Variants in COPB1 observed in about 807,000 individuals in gnomAD.
COPB1 encodes the protein coatomer subunit beta.
In COPB1, 21 loss-of-function variants were observed where a neutral mutation model predicts 108.7. That is an observed-to-expected ratio of 0.19 (90% CI 0.14 to 0.28). The LOEUF is 0.28. Among genes scored for constraint, COPB1 ranks in the 10% least tolerant of loss-of-function variants. The pLI, the probability that COPB1 is intolerant of heterozygous loss-of-function variation, is 1.00. For missense variants in COPB1, 919 were observed against 1,141.3 expected (o/e 0.81, Z 2.81); for synonymous variants, 378 against 386.8 (o/e 0.98, Z 0.27).
intron 8 of COPB1, among the ~76,000 whole-genome samples, chr11:14,482,042 T>C (rs908643088): frequency 2.6e-5 from 4 of 152,172 alleles, no homozygotes; most frequent in African/African-American, 9.7e-5. Context: ...TCCACCTGCC[T>C]CAGCCTCCCA....
chr11:14,474,670 T>C, intron 13 of COPB1, 55 bp from the exon 14 acceptor site: 1 of 1,603,040 alleles, frequency 6.2e-7, no homozygotes, highest in Non-Finnish European at 8.5e-7. Flanking sequence ...AGCATGCAGC[T>C]TCTGTATAAA....
chr11:14,474,444 G>A (rs761305456), intron 14 of COPB1, 51 bp downstream of exon 14: 1 of 1,557,684 alleles, frequency 6.4e-7, no homozygotes. Flanking sequence ...AATGCATATA[G>A]TAGGCACTCA....
chr11:14,478,139 A>G (rs1850570629), intron 11 of COPB1, among the ~76,000 whole-genome samples: 1 of 152,166 alleles, frequency 6.6e-6, no homozygotes, highest in East Asian at 1.9e-4. Flanking sequence ...TAAAAGTAAA[A>G]TAACTGTTCT....
chr11:14,469,276 C>A (rs1044392047), intron 15 of COPB1, 60 bp downstream of exon 15: 12 of 1,371,482 alleles, frequency 8.7e-6, no homozygotes, highest in Non-Finnish European at 1.2e-5. Context: ...GGATTACAGG[C>A]GTGAGCCACT....
Position 14,494,457 on chromosome 11 carries a change from T to A in COPB1, c.92-18A>T, listed in dbSNP as rs10832279. The A allele has an allele frequency of 0.48, 613,968 of 1,273,258 alleles. 137,109 individuals are homozygous for A. The highest frequency in any genetic ancestry group is 0.62 in the East Asian group (24,817 of 40,100). The allele number at this position is 1,273,258 out of a possible 1,614,324, so 78.9% of individuals were successfully genotyped here. A position where few individuals can be genotyped will look rare whatever the true frequency, so the allele number is the denominator to read the frequency against. ...TCCTTTTTCTGAATCAAAAATTTTTTTAAAAAAAAGCACAATTATTTCAAA... is the reference window on the plus strand; with the variant it reads ...TCCTTTTTCTGAATCAAAAATTTTTATAAAAAAAAGCACAATTATTTCAAA... On this transcript the variant is annotated intron_variant, in intron 2 of 21. Coordinates refer to ENST00000439561, the MANE Select transcript of COPB1 (RefSeq NM_001144061.2).
intron 18 of COPB1, among the ~76,000 whole-genome samples, chr11:14,463,244 T>A (rs1262487034): frequency 6.6e-6 from 1 of 152,338 alleles, no homozygotes; most frequent in East Asian, 1.9e-4. Flanking sequence ...CTCTTTTTAG[T>A]CTGTATGCCC....
At chr11:14,459,813 C>T (rs562699010) in intron 20 of COPB1, among the ~76,000 whole-genome samples, 2 of 152,108 alleles carry the variant, frequency 1.3e-5, no homozygotes, top group East Asian at 1.9e-4. Context: ...GATGGGGTTT[C>T]GCCATATTGG....
chr11:14,475,920 T>C lies in COPB1; in HGVS notation c.1481A>G (p.Lys494Arg). 5 of 1,610,650 alleles carry C rather than the reference T, an allele frequency of 3.1e-6. No individual in the cohort carries two copies. The highest frequency in any genetic ancestry group is 4.2e-6 in the Non-Finnish European group (5 of 1,179,050). ...AGGTTTTAATTCACCAGCTTCTTTC[T>C]TTATTTCTGACTCTACAATTGGGAT... The part of the protein sequence containing the change: ...GEIPIVESEI[K>R]KEAGELKPEE... The change falls in exon 13 of 22, where the codon AAG becomes AGG. Residue 494 changes from lysine to arginine, a missense_variant. Lys to Arg is a conservative substitution (Grantham distance 26). This residue lies in a region of COPB1 where 705 missense variants were observed against 817.8 expected (regional missense o/e 0.86). Coordinates refer to ENST00000439561, the MANE Select transcript of COPB1 (RefSeq NM_001144061.2).
chr11:14,460,217 A>T lies in COPB1; in HGVS notation c.2637T>A (p.Thr879=). 6.2e-7 allele frequency: 1 copy of T among 1,604,130 alleles called. No individual in the cohort carries two copies. The highest frequency in any genetic ancestry group is 8.5e-7 in the Non-Finnish European group (1 of 1,171,806). The change falls in exon 20 of 22, where the codon ACT becomes ACA. Residue 879 remains threonine, a synonymous_variant. Transcript: ENST00000439561. ...ILKSTNMKCL[T]PEKALSGYCG... The stretch of plus-strand genomic sequence containing the variant: ...CCTAGTCAAATTTTACCTTTTCTGG[A>T]GTCAGGCATTTCATATTGGTTGACT...
At chr11:14,480,167 T>C (rs1317568392) in intron 10 of COPB1, among the ~76,000 whole-genome samples, 2 of 152,204 alleles carry the variant, frequency 1.3e-5, no homozygotes, top group African/African-American at 2.4e-5. Context: ...AGTACTATTA[T>C]GTAAACAAAG....
At chr11:14,462,533 C>T (rs893339124) in intron 18 of COPB1, among the ~76,000 whole-genome samples, 25 of 152,098 alleles carry the variant, frequency 1.6e-4, no homozygotes, top group Non-Finnish European at 1.2e-4. Flanking sequence ...TGCCCGGCCT[C>T]TAGGCTCTTT....
chr11:14,473,295 T>C (rs1039826533), intron 14 of COPB1, among the ~76,000 whole-genome samples: 4 of 152,186 alleles, frequency 2.6e-5, no homozygotes, highest in Admixed American at 2.6e-4. Flanking sequence ...TTCATGTGTT[T>C]ACTGGAGTAG....
In COPB1 at chr11:14,464,806, T is replaced by A. The variant is rs182760191; in HGVS notation, c.2410+105A>T. 149 of 1,217,072 alleles carry A rather than the reference T, an allele frequency of 1.2e-4. No homozygotes were observed. The African/African-American group carries it at 1.8e-3, about 15-fold the overall frequency. The allele number at this position is 1,217,072 out of a possible 1,614,324, so 75.4% of individuals were successfully genotyped here. On this transcript the variant is annotated intron_variant, in intron 18 of 21. Coordinates refer to ENST00000439561, the MANE Select transcript of COPB1 (RefSeq NM_001144061.2). The stretch of plus-strand genomic sequence containing the variant: ...TAGAGAGTATCTCATAAATTATGAA[T>A]AAATGGATTTAGATCCTCTCCTCAT...
chr11:14,494,739 C>G (rs1353689633), intron 2 of COPB1: 1 of 253,434 alleles, frequency 3.9e-6, no homozygotes. Context: ...TACAGTCATA[C>G]CAAGTAAACG....
intron 2 of COPB1, among the ~76,000 whole-genome samples, chr11:14,497,969 C>A (rs1228158762): frequency 1.3e-5 from 2 of 152,116 alleles, no homozygotes; most frequent in East Asian, 3.8e-4. Context: ...CATGTTCTCA[C>A]TTATTTGTGG....
intron 18 of COPB1, among the ~76,000 whole-genome samples, chr11:14,462,120 G>A (rs932977978): frequency 7.9e-5 from 12 of 151,558 alleles, no homozygotes; most frequent in Non-Finnish European, 1.5e-4. Context: ...CATGGATGTG[G>A]AACCCACGGA....
intron 12 of COPB1, 114 bp downstream of exon 12, chr11:14,476,788 ACACAGAACATTTTGTTC>A: frequency 1.7e-6 from 1 of 598,958 alleles, no homozygotes; most frequent in Non-Finnish European, 2.9e-6. Context: ...TTTTTAATAA[ACACAGAACATTTTGTTC>A]AAACAAAATC....
chr11:14,490,731 T>A, intron 4 of COPB1, 52 bp from the exon 5 acceptor site: 1 of 964,774 alleles, frequency 1.0e-6, no homozygotes, highest in Non-Finnish European at 1.6e-6. Context: ...ACTTTACTAT[T>A]TTAGTAACTC....
At chr11:14,498,515 T>G (rs1419995611) in intron 2 of COPB1, among the ~76,000 whole-genome samples, 1 of 152,188 alleles carries the variant, frequency 6.6e-6, no homozygotes, top group Non-Finnish European at 1.5e-5. Flanking sequence ...ATTAAGATAT[T>G]CCAATACACA....
Sources: gnomAD v4.1 joint callset for allele counts (sites outside exome capture counted in the v4.1 genomes callset) on GRCh38, gnomAD v4.1.1 for gene constraint, gnomAD v4.1.1 regional missense constraint, MANE v1.5 for transcripts, NCBI Gene and HGNC (gene_info 2026-07-23, HGNC 2026-07-21) for gene names.